CYP39A1: variants seen among roughly 807,000 people sequenced by gnomAD.
The protein encoded by CYP39A1 is 24-hydroxycholesterol 7-alpha-hydroxylase.
A neutral mutation model predicts 58.1 loss-of-function variants in CYP39A1; 49 were observed. That is an observed-to-expected ratio of 0.84 (90% confidence interval 0.67 to 1.07). The LOEUF is 1.07. Ranked by LOEUF, CYP39A1 falls within the 50% of genes least tolerant of loss-of-function variation. The pLI, the probability that CYP39A1 is intolerant of heterozygous loss-of-function variation, is 0.00. For synonymous variants in CYP39A1, 209 were observed against 187.6 expected, an observed-to-expected ratio of 1.11 and a Z score of -0.93; for missense variants, 531 against 539.4, an observed-to-expected ratio of 0.98 and a Z score of 0.16.
chr6:46,555,220 T>C (rs806502), intron 10 of CYP39A1, among the ~76,000 whole-genome samples: 9,107 of 152,262 alleles, frequency 0.06, 643 homozygotes, highest in African/African-American at 0.17. Flanking sequence ...CTCTGAATGA[T>C]GATGCTCTGT....
At chr6:46,632,912 C>T (rs1364785606) in intron 5 of CYP39A1, among the ~76,000 whole-genome samples, 1 of 151,600 alleles carries the variant, frequency 6.6e-6, no homozygotes, top group East Asian at 1.9e-4. Context: ...GATTCAGATA[C>T]TATGACACAG....
intron 7 of CYP39A1, among the ~76,000 whole-genome samples, chr6:46,617,056 G>C (rs1023189412): frequency 1.4e-4 from 21 of 152,278 alleles, no homozygotes; most frequent in African/African-American, 4.8e-4. Context: ...AACAAGTAAA[G>C]ATGATTGTCT....
Position 46,630,959 on chromosome 6 carries a change from T to C in CYP39A1, c.840+4A>G. ...CGTAACTCATACTTTACTAATATACTTACAGGAACAGCATTAGACAGAGAA... is the reference window on the plus strand; with the variant it reads ...CGTAACTCATACTTTACTAATATACCTACAGGAACAGCATTAGACAGAGAA... On this transcript the variant is annotated splice_donor_region_variant and intron_variant, in intron 6 of 11. Coordinates refer to ENST00000275016, the MANE Select transcript of CYP39A1 (RefSeq NM_016593.5). The C allele has an allele frequency of 6.2e-7, 1 of 1,605,130 alleles. No homozygotes were observed.
chr6:46,630,923 G>T, intron 6 of CYP39A1, 40 bp downstream of exon 6: 1 of 1,385,130 alleles, frequency 7.2e-7, no homozygotes, highest in Non-Finnish European at 1.0e-6. Flanking sequence ...TGAAAGGACA[G>T]TGGAGAGCAA....
chr6:46,630,723 T>A (rs1775605276), intron 6 of CYP39A1, among the ~76,000 whole-genome samples: 1 of 152,218 alleles, frequency 6.6e-6, no homozygotes, highest in African/African-American at 2.4e-5. Context: ...CCTCATCCTG[T>A]TACACACTGC....
chr6:46,606,786 T>A (rs1773875607), intron 7 of CYP39A1, among the ~76,000 whole-genome samples: 1 of 152,238 alleles, frequency 6.6e-6, no homozygotes, highest in Non-Finnish European at 1.5e-5. Context: ...ATGTGTATTA[T>A]AACACATTAC....
At chr6:46,648,024 G>C (rs943431485) in intron 1 of CYP39A1, among the ~76,000 whole-genome samples, 1 of 152,180 alleles carries the variant, frequency 6.6e-6, no homozygotes, top group African/African-American at 2.4e-5. Flanking sequence ...AGGTGCTGGA[G>C]AGCATGTGGA....
intron 1 of CYP39A1, among the ~76,000 whole-genome samples, chr6:46,647,690 T>C (rs1429785599): frequency 5.9e-5 from 9 of 152,238 alleles, no homozygotes; most frequent in African/African-American, 2.2e-4. Context: ...TTCAGCCTAG[T>C]ACACTTTGGG....
intron 8 of CYP39A1, 38 bp from the exon 9 acceptor site, chr6:46,588,167 A>G: frequency 7.6e-7 from 1 of 1,315,824 alleles, no homozygotes; most frequent in South Asian, 1.4e-5. Context: ...ATTTTTTTGA[A>G]ATATACTTTA....
intron 10 of CYP39A1, among the ~76,000 whole-genome samples, chr6:46,564,880 A>G (rs1771188052): frequency 6.6e-6 from 1 of 152,222 alleles, no homozygotes; most frequent in Admixed American, 6.5e-5. Flanking sequence ...TAGCATACAG[A>G]CATAGTGTCA....
At chr6:46,567,794 C>T (rs1771376799) in intron 10 of CYP39A1, among the ~76,000 whole-genome samples, 1 of 152,054 alleles carries the variant, frequency 6.6e-6, no homozygotes, top group African/African-American at 2.4e-5. Context: ...GCTCACAGAA[C>T]AAAGAAATGG....
At position 46,583,346 on chromosome 6, in the gene CYP39A1, G is replaced by T. The variant is rs1271958213; in HGVS notation, c.1250+3731C>A. 5 of 985,252 alleles carry T rather than the reference G, an allele frequency of 5.1e-6. No homozygotes were observed. The South Asian group carries it at 1.4e-4, about 28-fold the overall frequency. 61.0% of individuals were successfully genotyped at this position (985,252 alleles called of 1,614,324 possible). ...AGAACCAAGGAAAATCAAGCTTGTTGGTTTTGGTGTGTGTTCCAGGGGACA... is the reference window on the plus strand; with the variant it reads ...AGAACCAAGGAAAATCAAGCTTGTTTGTTTTGGTGTGTGTTCCAGGGGACA... On this transcript the variant is annotated intron_variant, in intron 10 of 11. Transcript: ENST00000275016.
chr6:46,634,175 G>A (rs13216565), intron 5 of CYP39A1, among the ~76,000 whole-genome samples: 45,077 of 152,046 alleles, frequency 0.3, 8,201 homozygotes, highest in African/African-American at 0.51. Flanking sequence ...TGCTGTTCTC[G>A]TGATGGTGAA....
At chr6:46,575,393 C>T (rs1346659547) in intron 10 of CYP39A1, among the ~76,000 whole-genome samples, 1 of 152,192 alleles carries the variant, frequency 6.6e-6, no homozygotes, top group Non-Finnish European at 1.5e-5. Context: ...ACACCCCAGT[C>T]TGCTGGCCTC....
chr6:46,562,405 A>G (rs893900075), intron 10 of CYP39A1, among the ~76,000 whole-genome samples: 2 of 152,150 alleles, frequency 1.3e-5, no homozygotes, highest in Non-Finnish European at 2.9e-5. Flanking sequence ...TAACTTGGCC[A>G]TTTTACAACA....
intron 7 of CYP39A1, among the ~76,000 whole-genome samples, chr6:46,600,160 G>T (rs151102551): frequency 6.6e-6 from 1 of 150,920 alleles, no homozygotes; most frequent in South Asian, 2.1e-4. Context: ...ATGGAGACTC[G>T]CTCTGTTACC....
At chr6:46,569,244 TGTTGA>T (rs1043114774) in intron 10 of CYP39A1, among the ~76,000 whole-genome samples, 22 of 152,242 alleles carry the variant, frequency 1.4e-4, no homozygotes, top group African/African-American at 1.9e-4. Context: ...CCTGCTACTT[TGTTGA>T]GTTATTTATT....
intron 1 of CYP39A1, among the ~76,000 whole-genome samples, chr6:46,648,925 T>C (rs962043993): frequency 4.6e-5 from 7 of 152,170 alleles, no homozygotes; most frequent in African/African-American, 1.7e-4. Context: ...GTGCCAGAAA[T>C]GTTATCAATG....
intron 10 of CYP39A1, among the ~76,000 whole-genome samples, chr6:46,559,630 T>C (rs1442023051): frequency 6.6e-6 from 1 of 152,176 alleles, no homozygotes; most frequent in East Asian, 1.9e-4. Context: ...GGAGATGATC[T>C]GAAAAAAGCA....
Sources: allele counts gnomAD v4.1 joint callset (sites outside exome capture counted in the v4.1 genomes callset), GRCh38; gene constraint gnomAD v4.1.1; transcripts MANE v1.5; gene names NCBI Gene and HGNC (gene_info 2026-07-23, HGNC 2026-07-21).